C12orf42: variants seen among roughly 807,000 people sequenced by gnomAD.
The protein encoded by C12orf42 is chromosome 12 open reading frame 42.
C12orf42 carries 25 observed loss-of-function variants against 21.6 expected under a neutral mutation model. That is an observed-to-expected ratio of 1.16 (90% CI 0.84 to 1.62). The LOEUF is 1.62. C12orf42 is among the 40% of genes most tolerant of loss of function. C12orf42 has a pLI of 0.00. For synonymous variants in C12orf42, 174 were observed against 175.0 expected, an observed-to-expected ratio of 0.99 and a Z score of 0.05; for missense variants, 483 against 459.3, an observed-to-expected ratio of 1.05 and a Z score of -0.47.
At chr12:103,347,766 A>G (rs2042762549) in intron 4 of C12orf42, among the ~76,000 whole-genome samples, 1 of 152,170 alleles carries the variant, frequency 6.6e-6, no homozygotes, top group Non-Finnish European at 1.5e-5. Context: ...GAGATTAACA[A>G]AGGAGCCCCA....
intron 2 of C12orf42, among the ~76,000 whole-genome samples, chr12:103,448,418 G>A (rs1951717041): frequency 6.6e-6 from 1 of 151,868 alleles, no homozygotes; most frequent in African/African-American, 2.4e-5. Flanking sequence ...AAAAGCAAAT[G>A]CAACAAAAAC....
intron 2 of C12orf42, among the ~76,000 whole-genome samples, chr12:103,454,022 C>T (rs139760631): frequency 4.9e-4 from 74 of 152,220 alleles, no homozygotes; most frequent in African/African-American, 1.5e-3. Context: ...ATCAACCATG[C>T]ACTCACCTTT....
At chr12:103,197,805 T>C in the C12orf42 span, among the ~76,000 whole-genome samples, 1 of 152,196 alleles carries the variant, frequency 6.6e-6, no homozygotes, top group Non-Finnish European at 1.5e-5. Context: ...CAACCGGCTT[T>C]GTTTCTGGAT....
intron 1 of C12orf42, among the ~76,000 whole-genome samples, chr12:103,487,175 A>C (rs1954890222): frequency 6.6e-6 from 1 of 152,220 alleles, no homozygotes; most frequent in Non-Finnish European, 1.5e-5. Context: ...CATTGGTTTC[A>C]AAGAACATCT....
intron 4 of C12orf42, among the ~76,000 whole-genome samples, chr12:103,356,833 G>T (rs1190356432): frequency 6.6e-6 from 1 of 151,934 alleles, no homozygotes; most frequent in East Asian, 1.9e-4. Flanking sequence ...CTTTTGAGAA[G>T]TGTCTGTTCA....
intron 2 of C12orf42, among the ~76,000 whole-genome samples, chr12:103,469,993 C>T (rs574901857): frequency 4.1e-4 from 62 of 152,216 alleles, no homozygotes; most frequent in African/African-American, 1.4e-3. Flanking sequence ...TCACTGAATA[C>T]CAAAAGTGAC....
chr12:103,395,461 G>C (rs965955983), intron 3 of C12orf42, among the ~76,000 whole-genome samples: 3 of 151,454 alleles, frequency 2.0e-5, no homozygotes, highest in Non-Finnish European at 4.4e-5. Context: ...TCAGCCTCCT[G>C]AGTAGCTGGG....
At chr12:103,438,510 A>C (rs1197695193) in intron 2 of C12orf42, among the ~76,000 whole-genome samples, 3 of 152,064 alleles carry the variant, frequency 2.0e-5, no homozygotes, top group Non-Finnish European at 4.4e-5. Context: ...GGAAAACCTC[A>C]TTGTCTCAGC....
the C12orf42 span, among the ~76,000 whole-genome samples, chr12:103,141,877 G>A: frequency 6.6e-6 from 1 of 152,064 alleles, no homozygotes; most frequent in Non-Finnish European, 1.5e-5. Flanking sequence ...TCTAGGTGGT[G>A]AGTAGATACT....
At chr12:103,132,167 G>T in the C12orf42 span, among the ~76,000 whole-genome samples, 48,269 of 151,896 alleles carry the variant, frequency 0.32, 8,108 homozygotes, top group East Asian at 0.48. Flanking sequence ...GCATCTGGTA[G>T]GCACCTGCCC....
chr12:103,199,470 C>T, the C12orf42 span, among the ~76,000 whole-genome samples: 1 of 152,044 alleles, frequency 6.6e-6, no homozygotes, highest in Non-Finnish European at 1.5e-5. Context: ...TTAGATAAGT[C>T]AACCTAAAAG....
chr12:103,378,287 C>T (rs1205851473), intron 3 of C12orf42, among the ~76,000 whole-genome samples: 1 of 151,590 alleles, frequency 6.6e-6, no homozygotes, highest in South Asian at 2.1e-4. Flanking sequence ...ACTGCTCACT[C>T]GTCTACACTG....
At chr12:103,333,716 T>C (rs1161610621) in intron 4 of C12orf42, among the ~76,000 whole-genome samples, 1 of 152,124 alleles carries the variant, frequency 6.6e-6, no homozygotes, top group East Asian at 1.9e-4. Flanking sequence ...AGAGATAGAA[T>C]TTCAAAATGT....
At chr12:103,562,971 C>T in the C12orf42 span, among the ~76,000 whole-genome samples, 1 of 152,222 alleles carries the variant, frequency 6.6e-6, no homozygotes, top group Non-Finnish European at 1.5e-5. Context: ...TGTGAAGCTA[C>T]TTAAAATATG....
intron 10 of C12orf42, among the ~76,000 whole-genome samples, chr12:103,257,466 G>A (rs570169973): frequency 2.6e-4 from 39 of 151,986 alleles, no homozygotes; most frequent in Admixed American, 9.2e-4. Flanking sequence ...TACAACTTCC[G>A]TTTCAAAATC....
intron 4 of C12orf42, among the ~76,000 whole-genome samples, chr12:103,314,525 G>C (rs1319410918): frequency 6.6e-6 from 1 of 152,112 alleles, no homozygotes; most frequent in Non-Finnish European, 1.5e-5. Context: ...AAATCTTCTG[G>C]GGACCAGGTT....
downstream of C12orf42, among the ~76,000 whole-genome samples, chr12:103,264,337 G>A (rs2035059049): frequency 6.6e-6 from 1 of 150,700 alleles, no homozygotes; most frequent in Non-Finnish European, 1.5e-5. Context: ...AAGCACTGTT[G>A]AGATGGTTAG....
intron 1 of C12orf42, among the ~76,000 whole-genome samples, chr12:103,493,789 C>T (rs75141102): frequency 6.8e-5 from 10 of 147,956 alleles, no homozygotes; most frequent in East Asian, 2.0e-4. Flanking sequence ...AGAGGAAATA[C>T]GCATGAAAGT....
At chr12:103,413,597 C>A (rs886268689) in intron 2 of C12orf42, among the ~76,000 whole-genome samples, 1 of 151,930 alleles carries the variant, frequency 6.6e-6, no homozygotes. Context: ...CAGTGTGCAC[C>A]GTACTCAGTG....
Sources: gnomAD v4.1 joint callset for allele counts (sites outside exome capture counted in the v4.1 genomes callset) on GRCh38, gnomAD v4.1.1 for gene constraint, MANE v1.5 for transcripts, NCBI Gene and HGNC (gene_info 2026-07-23, HGNC 2026-07-21) for gene names.